B4GALT2: variants seen among roughly 807,000 people sequenced by gnomAD.
B4GALT2 encodes the protein beta-1,4-galactosyltransferase 2, also known as N-acetyllactosamine synthase.
B4GALT2 carries 18 observed loss-of-function variants against 33.2 expected under a neutral mutation model. That is an observed-to-expected ratio of 0.54 (90% CI 0.38 to 0.80). B4GALT2 has a LOEUF of 0.80. B4GALT2 is among the 30% of genes least tolerant of loss of function. The pLI, the probability that B4GALT2 is intolerant of heterozygous loss-of-function variation, is 0.00. For synonymous variants in B4GALT2, 214 were observed against 217.6 expected, an observed-to-expected ratio of 0.98 and a Z score of 0.15; for missense variants, 404 against 526.2, an observed-to-expected ratio of 0.77 and a Z score of 2.27.
Position 43,984,857 on chromosome 1 carries a change from C to G in B4GALT2, c.550-8C>G. The G allele has an allele frequency of 6.2e-7, 1 of 1,612,390 alleles. No homozygotes were observed. The highest frequency in any genetic ancestry group is 8.5e-7 in the Non-Finnish European group (1 of 1,178,988). ...GCCCAGGGTTGACCTGCTCCTCCCCCTACCCAGCATGGTGAGGACACCTTC... is the reference window on the plus strand; with the variant it reads ...GCCCAGGGTTGACCTGCTCCTCCCCGTACCCAGCATGGTGAGGACACCTTC... On this transcript the variant is annotated splice_region_variant and splice_polypyrimidine_tract_variant and intron_variant, in intron 3 of 6. Transcript: ENST00000372324. This position sits in a 1 kb window ranked among gnomAD's most constrained non-coding sequence, Gnocchi z 5.6.
chr1:43,985,780 G>T (rs1316034388), intron 6 of B4GALT2, 159 bp downstream of exon 6: 4 of 679,058 alleles, frequency 5.9e-6, no homozygotes, highest in Non-Finnish European at 1.0e-5. Flanking sequence ...TCCCTGATGT[G>T]ATCCAAGGCC....
chr1:43,985,441 G>GA lies in B4GALT2; in HGVS notation c.863+41_863+42insA, dbSNP rs771988865. 9.7e-4 allele frequency: 513 copies of GA among 531,294 alleles called. 7 individuals carry two copies. Among genetic ancestry groups the GA allele is most frequent in the African/African-American group, 2.7e-3 (124 of 46,526 alleles). The allele number at this position is 531,294 out of a possible 1,614,324, so 32.9% of individuals were successfully genotyped here. ...GTGGGGAATAGGCTGGGTGGGGGGG[G>GA]GAGGGGGGGTGCAGACTGGGTGGGG... On this transcript the variant is annotated intron_variant, in intron 5 of 6. Transcript: ENST00000372324.
Position 43,984,266 on chromosome 1 carries a change from G to T in B4GALT2, c.550-599G>T, listed in dbSNP as rs926184840. On this transcript the variant is annotated intron_variant, in intron 3 of 6. Transcript: ENST00000372324. The surrounding 1 kb of genome is among the most constrained non-coding windows in gnomAD (Gnocchi z 5.6). The stretch of plus-strand genomic sequence containing the variant: ...AGGCAGCCGGATGCAGCTCCAGGGA[G>T]CCTGAGGCTCCTGCATCTTAGACAC... Among the ~76,000 whole-genome samples, 1 of 152,348 alleles carries T rather than the reference G, an allele frequency of 6.6e-6. No homozygotes were observed. Among genetic ancestry groups the T allele is most frequent in the South Asian group, 2.1e-4 (1 of 4,832 alleles).
At chr1:43,989,723 C>T (rs1474951407) in intron 6 of B4GALT2, among the ~76,000 whole-genome samples, 1 of 152,194 alleles carries the variant, frequency 6.6e-6, no homozygotes, top group Non-Finnish European at 1.5e-5. Flanking sequence ...GGCCGATGGT[C>T]TTATCAGGAG....
intron 6 of B4GALT2, among the ~76,000 whole-genome samples, chr1:43,988,655 G>C (rs1394369518): frequency 6.6e-6 from 1 of 151,930 alleles, no homozygotes; most frequent in Non-Finnish European, 1.5e-5. Context: ...GGGCAACAGA[G>C]CAAGACTCTC....
rs2085721315 is a variant in B4GALT2 at position 43,990,663 on chromosome 1, G to T, written c.*215G>T. Reference sequence around the variant, plus strand: ...GGCTCTTCAAGTGTGGCCCTCTTTGGAGTCAACCCTCCTTCCCGACCCCCT... The same window carrying T: ...GGCTCTTCAAGTGTGGCCCTCTTTGTAGTCAACCCTCCTTCCCGACCCCCT... On this transcript the variant is annotated 3_prime_UTR_variant, in exon 7 of 7. Coordinates refer to ENST00000372324, the MANE Select transcript of B4GALT2 (RefSeq NM_003780.5). 9 of 638,310 alleles carry T rather than the reference G, an allele frequency of 1.4e-5. No homozygotes were observed. The South Asian group carries it at 1.8e-4, about 13-fold the overall frequency. 39.5% of individuals were successfully genotyped at this position (638,310 alleles called of 1,614,324 possible). A position where few individuals can be genotyped will look rare whatever the true frequency, so the allele number is the denominator to read the frequency against.
Sources: allele counts gnomAD v4.1 joint callset (sites outside exome capture counted in the v4.1 genomes callset), GRCh38; gene constraint gnomAD v4.1.1; non-coding constraint Gnocchi (gnomAD v3.1); transcripts MANE v1.5; gene names NCBI Gene and HGNC (gene_info 2026-07-23, HGNC 2026-07-21).